Variants in FLACC1 observed in about 807,000 individuals in gnomAD.
The protein encoded by FLACC1 is flagellum associated containing coiled-coil domains 1, also known as flagellum-associated coiled-coil domain-containing protein 1.
A neutral mutation model predicts 62.8 loss-of-function variants in FLACC1; 66 were observed. That is an observed-to-expected ratio of 1.05 (90% CI 0.86 to 1.29). The LOEUF is 1.29. FLACC1 is among the 50% of genes most tolerant of loss of function. FLACC1 has a pLI of 0.00. For missense variants in FLACC1, 452 were observed against 489.1 expected (o/e 0.92, Z 0.71); for synonymous variants, 156 against 161.0 (o/e 0.97, Z 0.24).
At chr2:201,355,918 G>A (rs986089456) in intron 1 of FLACC1, among the ~76,000 whole-genome samples, 3 of 151,960 alleles carry the variant, frequency 2.0e-5, no homozygotes, top group Admixed American at 6.6e-5. Flanking sequence ...ACACCCATGG[G>A]AGTGATACTC....
upstream of FLACC1, among the ~76,000 whole-genome samples, chr2:201,358,078 A>G (rs553216216): frequency 3.5e-3 from 532 of 152,280 alleles, no homozygotes; most frequent in Non-Finnish European, 4.4e-3. Context: ...TATTGTTATA[A>G]ATTCATCTAT....
chr2:201,313,246 A>T (rs1320535705), intron 9 of FLACC1, among the ~76,000 whole-genome samples: 5 of 152,186 alleles, frequency 3.3e-5, no homozygotes, highest in African/African-American at 1.2e-4. Flanking sequence ...TCTGGTGTGC[A>T]GACTCCACAG....
At chr2:201,345,741 T>C (rs1004638299) in intron 5 of FLACC1, among the ~76,000 whole-genome samples, 1 of 152,128 alleles carries the variant, frequency 6.6e-6, no homozygotes, top group African/African-American at 2.4e-5. Context: ...ATACTTGATA[T>C]GGCATTGGAG....
At chr2:201,360,051 C>G (rs914037449), upstream of FLACC1, among the ~76,000 whole-genome samples, 1 of 152,126 alleles carries the variant, frequency 6.6e-6, no homozygotes, top group African/African-American at 2.4e-5. Flanking sequence ...TTGGCAAAGG[C>G]TCAGCACTAA....
At chr2:201,301,021 CTCCTCCAA>C (rs1330659601) in intron 11 of FLACC1, among the ~76,000 whole-genome samples, 1 of 152,226 alleles carries the variant, frequency 6.6e-6, no homozygotes, top group Non-Finnish European at 1.5e-5. Flanking sequence ...AGCGACTCTT[CTCCTCCAA>C]AGGAATGCAG....
intron 14 of FLACC1, 72 bp from the exon 15 acceptor site, chr2:201,288,853 A>G: frequency 6.5e-7 from 1 of 1,549,828 alleles, no homozygotes; most frequent in Non-Finnish European, 8.7e-7. Flanking sequence ...TTTGGAGTGC[A>G]GGGAGAGAAA....
chr2:201,345,659 G>A (rs1040134050), intron 5 of FLACC1, among the ~76,000 whole-genome samples: 1 of 152,026 alleles, frequency 6.6e-6, no homozygotes, highest in Non-Finnish European at 1.5e-5. Context: ...ATGAATAAGA[G>A]ATTAAAGGGT....
chr2:201,314,872 G>A (rs1455630680), intron 9 of FLACC1, among the ~76,000 whole-genome samples: 1 of 152,144 alleles, frequency 6.6e-6, no homozygotes, highest in Non-Finnish European at 1.5e-5. Flanking sequence ...AAGGATTAGG[G>A]CCCTATCTTC....
intron 1 of FLACC1, among the ~76,000 whole-genome samples, chr2:201,356,345 C>T (rs975993151): frequency 1.4e-4 from 21 of 152,148 alleles, no homozygotes; most frequent in East Asian, 3.9e-4. Flanking sequence ...ATTTTTATAA[C>T]GATGGGGTTT....
chr2:201,293,279 A>T lies in FLACC1; in HGVS notation c.943-3494T>A, dbSNP rs184956345. On this transcript the variant is annotated intron_variant, in intron 12 of 14. Transcript: ENST00000392257. ...TTGACCACATAGTTGGAAGTAAAGC[A>T]CTCCTCAGCAAATGTAAAAGAACAG... Among the ~76,000 whole-genome samples, 30 of 152,282 alleles carry T rather than the reference A, an allele frequency of 2.0e-4. No individual in the cohort carries two copies. The East Asian group carries it at 5.6e-3, about 28-fold the overall frequency.
intron 11 of FLACC1, among the ~76,000 whole-genome samples, chr2:201,300,779 C>G (rs764024161): frequency 1.6e-4 from 24 of 152,220 alleles, no homozygotes; most frequent in Non-Finnish European, 2.8e-4. Flanking sequence ...ATCTGCAGTT[C>G]TACAGCCTCT....
rs1201926529 is a variant in FLACC1 at position 201,288,695 on chromosome 2, T to A, written c.1229A>T (p.Asp410Val). 2 of 1,614,136 alleles carry A rather than the reference T, an allele frequency of 1.2e-6. No individual in the cohort carries two copies. Among genetic ancestry groups the A allele is most frequent in the Non-Finnish European group, 1.7e-6 (2 of 1,180,010 alleles). Residue 410 changes from aspartate to valine, a missense_variant, in exon 15 of 15, where the codon GAC (aspartate) becomes GTC (valine). Asp to Val is a radical substitution (Grantham distance 152). Transcript: ENST00000392257. ...TTTCTTGCTACCATCTTGCACAGTG[T>A]CAGAATCATCCTTAGAAACAGTAAT... The part of the protein sequence containing the change: ...ASITVSKDDS[D>V]TVQDGSKKGQ...
At chr2:201,339,328 C>T (rs1283719544) in intron 7 of FLACC1, among the ~76,000 whole-genome samples, 1 of 151,870 alleles carries the variant, frequency 6.6e-6, no homozygotes, top group Non-Finnish European at 1.5e-5. Context: ...AGTCTAGCTA[C>T]TGGTTTATCA....
At position 201,294,750 on chromosome 2, in the gene FLACC1, C is replaced by T. The variant is rs993688429; in HGVS notation, c.942+4488G>A. 1.0e-3 allele frequency among the ~76,000 whole-genome samples: 156 copies of T among 152,304 alleles called. 1 individual carries two copies. The highest frequency in any genetic ancestry group is 3.5e-3 in the African/African-American group (145 of 41,564). ...TCAAATTGTCCCTGTTTGCAGATGA[C>T]ATGATTGTATATCTAGAAAACCCCA... On this transcript the variant is annotated intron_variant, in intron 12 of 14. Coordinates refer to ENST00000392257, the MANE Select transcript of FLACC1 (RefSeq NM_001127391.3).
intron 7 of FLACC1, among the ~76,000 whole-genome samples, chr2:201,334,549 C>T (rs531008611): frequency 1.2e-3 from 181 of 152,016 alleles, no homozygotes; most frequent in Admixed American, 3.2e-3. Context: ...TTTGGGAGGC[C>T]GAGGCAGGCA....
intron 9 of FLACC1, among the ~76,000 whole-genome samples, chr2:201,323,282 A>G (rs1950438814): frequency 1.3e-5 from 2 of 152,358 alleles, no homozygotes; most frequent in Admixed American, 6.5e-5. Flanking sequence ...TCACCAAGGC[A>G]TATAGTCATC....
chr2:201,336,182 C>T (rs1188210449), intron 7 of FLACC1, among the ~76,000 whole-genome samples: 2 of 152,112 alleles, frequency 1.3e-5, no homozygotes, highest in South Asian at 2.1e-4. Flanking sequence ...CAAGTAGGCC[C>T]CACCGTCTAT....
intron 1 of FLACC1, among the ~76,000 whole-genome samples, chr2:201,356,100 G>C (rs1951112628): frequency 6.6e-6 from 1 of 152,136 alleles, no homozygotes; most frequent in Non-Finnish European, 1.5e-5. Context: ...AGGTGGCAAG[G>C]AGGACATGCA....
intron 11 of FLACC1, among the ~76,000 whole-genome samples, chr2:201,299,882 C>T (rs1031481552): frequency 1.3e-5 from 2 of 152,164 alleles, no homozygotes; most frequent in Non-Finnish European, 2.9e-5. Context: ...TCTGATCTCA[C>T]ATTTCTATGA....
Sources: allele counts gnomAD v4.1 joint callset (sites outside exome capture counted in the v4.1 genomes callset), GRCh38; gene constraint gnomAD v4.1.1; transcripts MANE v1.5; gene names NCBI Gene and HGNC (gene_info 2026-07-23, HGNC 2026-07-21).